The following ANKS3 variants were observed in gnomAD, a reference collection of about 807,000 sequenced individuals.
The protein encoded by ANKS3 is ankyrin repeat and SAM domain-containing protein 3.
Under a neutral mutation model 80.7 loss-of-function variants are expected in ANKS3, and 62 were observed. That is an observed-to-expected ratio of 0.77 (90% CI 0.63 to 0.95). The LOEUF is 0.95. Ranked by LOEUF, ANKS3 falls within the 40% of genes least tolerant of loss-of-function variation. The pLI, the probability that ANKS3 is intolerant of heterozygous loss-of-function variation, is 0.00. For synonymous variants in ANKS3, 489 were observed against 355.3 expected (o/e 1.38, Z -4.23); for missense variants, 1,150 against 883.6 (o/e 1.30, Z -3.82).
rs544459700 is a variant in ANKS3 at position 4,726,540 on chromosome 16, A to G, written c.491+119T>C. 9.4e-6 allele frequency: 10 copies of G among 1,064,716 alleles called. No homozygotes were observed. The African/African-American group carries it at 1.3e-4, about 13-fold the overall frequency. 66.0% of individuals were successfully genotyped at this position (1,064,716 alleles called of 1,614,324 possible). A position where few individuals can be genotyped will look rare whatever the true frequency, so the allele number is the denominator to read the frequency against. On this transcript the variant is annotated intron_variant, in intron 5 of 17. Transcript: ENST00000304283. Reference sequence around the variant, plus strand: ...GACTCTGGTCCTACCCCTCATCTTGAGCCTCTCGTGCCGAAGCAGGGTGGC... The same window carrying G: ...GACTCTGGTCCTACCCCTCATCTTGGGCCTCTCGTGCCGAAGCAGGGTGGC...
chr16:4,716,227 G>A (rs908242133), intron 6 of ANKS3, among the ~76,000 whole-genome samples: 51 of 151,884 alleles, frequency 3.4e-4, no homozygotes, highest in African/African-American at 1.2e-3. Flanking sequence ...GGGCGTGGTG[G>A]TGGGCACCTG....
intron 3 of ANKS3, 88 bp downstream of exon 3, chr16:4,729,892 A>T: frequency 1.6e-6 from 2 of 1,286,148 alleles, no homozygotes; most frequent in Non-Finnish European, 2.0e-6. Context: ...TTAAACATCC[A>T]CAACTGTGTG....
chr16:4,719,288 C>T (rs1025610383), intron 6 of ANKS3, among the ~76,000 whole-genome samples: 5 of 152,152 alleles, frequency 3.3e-5, no homozygotes, highest in African/African-American at 7.2e-5. Context: ...ACTATGATCG[C>T]GCCACTGTGC....
chr16:4,700,644 T>TG, intron 11 of ANKS3: 1 of 433,882 alleles, frequency 2.3e-6, no homozygotes, highest in Non-Finnish European at 4.3e-6. Context: ...TTCCTGTCTC[T>TG]GCTTCAACCA....
rs1438174493 is a variant in ANKS3 at position 4,697,265 on chromosome 16, G to GAA, written c.1894+66_1894+67dup. 2.5e-5 allele frequency: 38 copies of GAA among 1,550,810 alleles called. No individual in the cohort carries two copies. In the East Asian group the frequency reaches 8.6e-4, roughly 35 times the overall value. On this transcript the variant is annotated intron_variant, in intron 16 of 17. Coordinates refer to ENST00000304283, the MANE Select transcript of ANKS3 (RefSeq NM_133450.4). ...GAGAGACACAAACCCGCTTTCCCTGGAAAGGGGTCCCTTTGCCTCCCTCGG... is the reference window on the plus strand; with the variant it reads ...GAGAGACACAAACCCGCTTTCCCTGGAAAAAGGGGTCCCTTTGCCTCCCTCGG...
chr16:4,727,021 G>GGCCA lies in ANKS3; in HGVS notation c.323_326dup (p.Ser110GlyfsTer74). 1 of 1,614,186 alleles carries GGCCA rather than the reference G, an allele frequency of 6.2e-7. No individual in the cohort carries two copies. Among genetic ancestry groups the GGCCA allele is most frequent in the Non-Finnish European group, 8.5e-7 (1 of 1,180,044 alleles). ...CGATGCTCTCGTTGCCACAGCTGGA[G>GGCCA]GCCAGCATCAGTGGAGTCTGCCCTT... is the stretch of plus-strand genomic sequence containing the variant. On this transcript the variant is annotated frameshift_variant, in exon 4 of 18. Transcript: ENST00000304283. LOFTEE classifies it high-confidence loss of function.
intron 6 of ANKS3, 31 bp from the exon 7 acceptor site, chr16:4,714,217 C>A (rs761632517): frequency 6.2e-7 from 1 of 1,610,940 alleles, no homozygotes; most frequent in Admixed American, 1.7e-5. Context: ...GGGTTAGGGG[C>A]CTCTCCTTCA....
chr16:4,724,277 T>A (rs572864403), intron 6 of ANKS3, among the ~76,000 whole-genome samples: 1 of 152,180 alleles, frequency 6.6e-6, no homozygotes, highest in Admixed American at 6.6e-5. Flanking sequence ...TGTCTCTAAG[T>A]TACAGACTAT....
At position 4,729,962 on chromosome 16, in the gene ANKS3, T is replaced by A. The variant is rs775367188; in HGVS notation, c.170+18A>T. 25 of 1,453,914 alleles carry A rather than the reference T, an allele frequency of 1.7e-5. No homozygotes were observed. The highest frequency in any genetic ancestry group is 2.3e-5 in the Non-Finnish European group (25 of 1,090,688). The allele number at this position is 1,453,914 out of a possible 1,614,324, so 90.1% of individuals were successfully genotyped here. A position where few individuals can be genotyped will look rare whatever the true frequency, so the allele number is the denominator to read the frequency against. On this transcript the variant is annotated intron_variant, in intron 3 of 17. Coordinates refer to ENST00000304283, the MANE Select transcript of ANKS3 (RefSeq NM_133450.4). Reference sequence around the variant, plus strand: ...GCGCTGCTCAAAATGTGAGAGGAAGTTCCCCGAGATCTCTTACCGCTGCAC... The same window carrying A: ...GCGCTGCTCAAAATGTGAGAGGAAGATCCCCGAGATCTCTTACCGCTGCAC...
chr16:4,698,242 C>T (rs749272544), intron 14 of ANKS3, 180 bp from the exon 15 acceptor site: 57 of 1,137,126 alleles, frequency 5.0e-5, no homozygotes, highest in African/African-American at 1.4e-4. Context: ...TGCAGATTCC[C>T]GGACCCAACT....
At chr16:4,706,770 G>A (rs2080217643) in intron 7 of ANKS3, among the ~76,000 whole-genome samples, 2 of 152,218 alleles carry the variant, frequency 1.3e-5, no homozygotes, top group African/African-American at 4.8e-5. Flanking sequence ...GTAAGCTGGG[G>A]CAGAAATGAA....
chr16:4,730,215 T>C, intron 2 of ANKS3, 64 bp from the exon 3 acceptor site: 1 of 1,402,140 alleles, frequency 7.1e-7, no homozygotes, highest in Admixed American at 2.5e-5. Flanking sequence ...TGAAACAGGC[T>C]GGTCCTGCCC....
chr16:4,720,294 T>TC (rs1437230986), intron 6 of ANKS3, among the ~76,000 whole-genome samples: 1 of 149,312 alleles, frequency 6.7e-6, no homozygotes, highest in African/African-American at 2.5e-5. Flanking sequence ...AAACCCTGTC[T>TC]CTACTAAAAA....
intron 1 of ANKS3, among the ~76,000 whole-genome samples, chr16:4,733,202 C>CAAAAAAA (rs56944690): frequency 2.0e-4 from 14 of 70,442 alleles, no homozygotes; most frequent in Admixed American, 2.0e-4. Flanking sequence ...GACTCCGTCT[C>CAAAAAAA]AAAAAAAAAA....
chr16:4,711,737 A>AAGG (rs1555470472), intron 7 of ANKS3, among the ~76,000 whole-genome samples: 2,564 of 150,066 alleles, frequency 0.017, 39 homozygotes, highest in Non-Finnish European at 0.029. Context: ...AAAAAAAAAA[A>AAGG]GGGAGAAAAT....
chr16:4,722,169 T>G (rs1210896115), intron 6 of ANKS3, among the ~76,000 whole-genome samples: 1 of 151,314 alleles, frequency 6.6e-6, no homozygotes, highest in Non-Finnish European at 1.5e-5. Context: ...AAATTCTTTG[T>G]TAAAAAGAGA....
At chr16:4,726,918 C>T in intron 4 of ANKS3, 61 bp downstream of exon 4, 2 of 1,608,810 alleles carry the variant, frequency 1.2e-6, no homozygotes, top group Middle Eastern at 1.7e-4. Flanking sequence ...TGGTTCGCAT[C>T]TCTGTCAGGG....
intron 8 of ANKS3, among the ~76,000 whole-genome samples, chr16:4,703,874 GAC>G (rs578143288): frequency 5.5e-4 from 64 of 116,284 alleles, no homozygotes; most frequent in African/African-American, 1.8e-3. Context: ...AGCGGCTTCA[GAC>G]ATGTATGATT....
At chr16:4,698,183 C>G (rs1346284285) in intron 14 of ANKS3, 121 bp from the exon 15 acceptor site, 2 of 1,246,626 alleles carry the variant, frequency 1.6e-6, no homozygotes, top group African/African-American at 3.0e-5. Context: ...CCCTCATGGG[C>G]TGGGCCAGTG....
Sources: gnomAD v4.1 joint callset for allele counts (sites outside exome capture counted in the v4.1 genomes callset) on GRCh38, gnomAD v4.1.1 for gene constraint, MANE v1.5 for transcripts, NCBI Gene and HGNC (gene_info 2026-07-23, HGNC 2026-07-21) for gene names.